The following ANKRD11 variants were observed in gnomAD, a reference collection of about 807,000 sequenced individuals.
The protein encoded by ANKRD11 is ankyrin repeat domain 11, also known as ankyrin repeat domain-containing protein 11.
ANKRD11 carries 17 observed loss-of-function variants against 195.7 expected under a neutral mutation model. The ratio of observed to expected loss-of-function variants is 0.09; its 90% CI spans 0.06 to 0.13. The LOEUF is 0.13. Ranked by LOEUF, ANKRD11 falls within the 10% of genes least tolerant of loss-of-function variation. ANKRD11 has a pLI of 1.00. For missense variants in ANKRD11, 3,735 were observed against 3,566.1 expected (o/e 1.05, Z -1.21); for synonymous variants, 1,953 against 1,528.1 (o/e 1.28, Z -6.49).
At chr16:89,433,805 G>A (rs1253628182) in intron 1 of ANKRD11, among the ~76,000 whole-genome samples, 3 of 151,406 alleles carry the variant, frequency 2.0e-5, no homozygotes, top group South Asian at 2.1e-4. Context: ...GCTTGGACGC[G>A]GGGACTGGGC....
In ANKRD11 at chr16:89,324,834, C is replaced by T. The variant is rs961415992; in HGVS notation, c.-59-7756G>A. On this transcript the variant is annotated intron_variant, in intron 2 of 12. Coordinates refer to ENST00000301030, the MANE Select transcript of ANKRD11 (RefSeq NM_013275.6). Reference sequence around the variant, plus strand: ...GGGGACTCGGACTGGCTTCCTGGCTCCTCAGCTTGCCAACAGCCTATTGTG... The same window carrying T: ...GGGGACTCGGACTGGCTTCCTGGCTTCTCAGCTTGCCAACAGCCTATTGTG... 3.1e-5 allele frequency: 9 copies of T among 286,018 alleles called. No homozygotes were observed. In the East Asian group the frequency reaches 5.4e-4, roughly 17 times the overall value. The allele number at this position is 286,018 out of a possible 1,614,324, so 17.7% of individuals were successfully genotyped here.
rs530598578 is a variant in ANKRD11, at chr16:89,432,693, C to A, written c.-144-14325G>T. Among the ~76,000 whole-genome samples the A allele has an allele frequency of 2.0e-5, 3 of 152,124 alleles. No individual in the cohort carries two copies. The South Asian group carries it at 6.2e-4, about 32-fold the overall frequency. Reference sequence around the variant, plus strand: ...TACCCGAGACCTTACCAGTCACACACTCACCCCCATTCATATTCTATCACG... The same window carrying A: ...TACCCGAGACCTTACCAGTCACACAATCACCCCCATTCATATTCTATCACG... On this transcript the variant is annotated intron_variant, in intron 1 of 12. Coordinates refer to ENST00000301030, the MANE Select transcript of ANKRD11 (RefSeq NM_013275.6).
Position 89,282,102 on chromosome 16 carries a change from ATGCCTGTCCCGG to A in ANKRD11, c.4428_4439del (p.Arg1477_His1480del). The stretch of plus-strand genomic sequence containing the variant: ...TGTGATGCCGCAGCAGCCCATCCGC[ATGCCTGTCCCGG>A]TGCCTCTCCTTCTCGTCTCTCCATT... On this transcript the variant is annotated inframe_deletion, in exon 9 of 13. Transcript: ENST00000301030. 1 of 1,613,626 alleles carries A rather than the reference ATGCCTGTCCCGG, an allele frequency of 6.2e-7. No homozygotes were observed.
At chr16:89,350,958 T>C (rs563850046) in intron 2 of ANKRD11, among the ~76,000 whole-genome samples, 122 of 152,246 alleles carry the variant, frequency 8.0e-4, no homozygotes, top group African/African-American at 2.8e-3. Context: ...GTAGCTTAGG[T>C]GTGTGGGAGG....
At chr16:89,444,489 G>A (rs547877879) in intron 1 of ANKRD11, among the ~76,000 whole-genome samples, 4 of 152,256 alleles carry the variant, frequency 2.6e-5, no homozygotes, top group South Asian at 4.1e-4. Context: ...GGGGGGTTGT[G>A]TAGGGTTTGC....
intron 1 of ANKRD11, among the ~76,000 whole-genome samples, chr16:89,486,064 A>ACT (rs2057602740): frequency 6.6e-6 from 1 of 151,326 alleles, no homozygotes; most frequent in Non-Finnish European, 1.5e-5. Flanking sequence ...CACAAAGACA[A>ACT]CTCTCCCTTT....
chr16:89,352,304 C>G (rs1312711981), intron 2 of ANKRD11, among the ~76,000 whole-genome samples: 3 of 151,902 alleles, frequency 2.0e-5, no homozygotes, highest in African/African-American at 7.3e-5. Flanking sequence ...CATCACGCCA[C>G]GCGGTGCAGA....
At chr16:89,392,793 G>A (rs990589262) in intron 2 of ANKRD11, 1 of 149,578 alleles carries the variant, frequency 6.7e-6, no homozygotes, top group African/African-American at 2.5e-5. Flanking sequence ...GTCCCCCAAG[G>A]CTGCTTTTCT....
intron 2 of ANKRD11, among the ~76,000 whole-genome samples, chr16:89,381,198 G>C (rs2040630024): frequency 1.3e-5 from 2 of 152,104 alleles, no homozygotes; most frequent in South Asian, 4.2e-4. Context: ...TGGGCATGGT[G>C]GTGTGCACCG....
At position 89,279,318 on chromosome 16, in the gene ANKRD11, C is replaced by T. The variant is rs768492741; in HGVS notation, c.7224G>A (p.Arg2408=). 2.5e-6 allele frequency: 4 copies of T among 1,611,912 alleles called. No individual in the cohort carries two copies. Among genetic ancestry groups the T allele is most frequent in the East Asian group, 4.5e-5 (2 of 44,880 alleles). ...QQLNTSTQQT[R]EVIQQTLAAI... ...CGGCCAGCGTCTGCTGGATCACCTC[C>T]CGCGTCTGCTGCGTGGACGTGTTCA... is the stretch of plus-strand genomic sequence containing the variant. The change falls in exon 9 of 13, where the codon CGG becomes CGA. Residue 2408 remains arginine, a synonymous_variant. Coordinates refer to ENST00000301030, the MANE Select transcript of ANKRD11 (RefSeq NM_013275.6). The surrounding 1 kb of genome is among the most constrained non-coding windows in gnomAD (Gnocchi z 5.6).
chr16:89,423,359 G>A (rs1242026417), intron 1 of ANKRD11, among the ~76,000 whole-genome samples: 1 of 152,212 alleles, frequency 6.6e-6, no homozygotes, highest in Non-Finnish European at 1.5e-5. Flanking sequence ...GGCTCCGAAC[G>A]GCAGTCACAC....
intron 2 of ANKRD11, among the ~76,000 whole-genome samples, chr16:89,385,317 C>T (rs374470727): frequency 1.5e-4 from 23 of 151,860 alleles, no homozygotes; most frequent in African/African-American, 4.6e-4. Flanking sequence ...TTAGTAGAGA[C>T]GCTGTTTTGC....
At chr16:89,449,123 G>C (rs755216747) in intron 1 of ANKRD11, among the ~76,000 whole-genome samples, 1 of 151,694 alleles carries the variant, frequency 6.6e-6, no homozygotes, top group Non-Finnish European at 1.5e-5. Flanking sequence ...GGCTGAGGCC[G>C]GAGGATTGCT....
intron 1 of ANKRD11, among the ~76,000 whole-genome samples, chr16:89,461,129 C>T (rs9929606): frequency 0.5 from 57,977 of 116,634 alleles, 15,495 homozygotes; most frequent in Middle Eastern, 0.66. Flanking sequence ...CCATAGGAGA[C>T]GCACCTTGAG....
intron 9 of ANKRD11, chr16:89,278,831 C>A (rs1007130085): frequency 1.4e-6 from 1 of 700,804 alleles, no homozygotes; most frequent in Non-Finnish European, 2.6e-6. Context: ...AGGGGGAGGT[C>A]AGGAGACCGA....
intron 2 of ANKRD11, among the ~76,000 whole-genome samples, chr16:89,396,552 T>C (rs2041440268): frequency 6.6e-6 from 1 of 152,182 alleles, no homozygotes; most frequent in African/African-American, 2.4e-5. Context: ...TTTTTTTGTA[T>C]ACTTCAACTA....
At chr16:89,388,271 C>T (rs2041013759) in intron 2 of ANKRD11, among the ~76,000 whole-genome samples, 1 of 149,594 alleles carries the variant, frequency 6.7e-6, no homozygotes, top group Non-Finnish European at 1.5e-5. Context: ...GTGCCGGGTG[C>T]TCTCTTCTCT....
intron 2 of ANKRD11, among the ~76,000 whole-genome samples, chr16:89,387,212 G>A (rs913865081): frequency 6.6e-6 from 1 of 151,490 alleles, no homozygotes; most frequent in African/African-American, 2.4e-5. Flanking sequence ...CACACAGGAA[G>A]ATCTGGAGTG....
In ANKRD11 at chr16:89,286,088, G is replaced by A. The variant is rs912859980; in HGVS notation, c.843C>T (p.Asn281=). 3 of 1,614,248 alleles carry A rather than the reference G, an allele frequency of 1.9e-6. No individual in the cohort carries two copies. The highest frequency in any genetic ancestry group is 1.3e-5 in the African/African-American group (1 of 75,080). Residue 281 remains asparagine, a synonymous_variant, in exon 8 of 13, where the codon AAC becomes AAT. Transcript: ENST00000301030. ...LKVANSPTMV[N]LLLGKGTYTS... ...TGTAAGTGCCTTTGCCTAACAGGAGGTTCACCATCGTGGGGGAGTTGGCCA... is the reference window on the plus strand; with the variant it reads ...TGTAAGTGCCTTTGCCTAACAGGAGATTCACCATCGTGGGGGAGTTGGCCA...
Sources: gnomAD v4.1 joint callset for allele counts (sites outside exome capture counted in the v4.1 genomes callset) on GRCh38, gnomAD v4.1.1 for gene constraint, Gnocchi (gnomAD v3.1) non-coding constraint, MANE v1.5 for transcripts, NCBI Gene and HGNC (gene_info 2026-07-23, HGNC 2026-07-21) for gene names.